ADGRL3: variants seen among roughly 807,000 people sequenced by gnomAD.
ADGRL3 encodes the protein adhesion G protein-coupled receptor L3.
In ADGRL3, 62 loss-of-function variants were observed where a neutral mutation model predicts 153.5. The observed-to-expected ratio is 0.40, with a 90% CI of 0.33 to 0.50. The LOEUF (loss-of-function observed/expected upper bound fraction) is 0.50, where lower values mean the gene tolerates loss of function less well. Among genes scored for constraint, ADGRL3 ranks in the 20% least tolerant of loss-of-function variants. The probability of loss-of-function intolerance (pLI) is 0.47; values close to 1 mark genes in which losing one functional copy is unlikely to be tolerated. For synonymous variants in ADGRL3, 710 were observed against 672.5 expected, an observed-to-expected ratio of 1.06 and a Z score of -0.86; for missense variants, 1,641 against 1,859.4, an observed-to-expected ratio of 0.88 and a Z score of 2.16.
Position 61,273,932 on chromosome 4 carries a change from A to C in ADGRL3, c.-240+72167A>C, listed in dbSNP as rs193265455. On this transcript the variant is annotated intron_variant, in intron 1 of 26. Coordinates refer to ENST00000683033, the MANE Select transcript of ADGRL3 (RefSeq NM_001387552.1). ...AGAGAATTTGACATAGTAACTATTA[A>C]TAGCTTGAAAACTGAAAATTCTGAC... Among the ~76,000 whole-genome samples, 154 of 152,312 alleles carry C rather than the reference A, an allele frequency of 1.0e-3. 1 individual carries two copies. The highest frequency in any genetic ancestry group is 3.6e-3 in the African/African-American group (150 of 41,574).
intron 4 of ADGRL3, among the ~76,000 whole-genome samples, chr4:61,580,028 A>G (rs969325092): frequency 4.6e-5 from 7 of 152,238 alleles, no homozygotes; most frequent in Non-Finnish European, 1.0e-4. Flanking sequence ...GAGAAAATAC[A>G]TGTATTTAAG....
chr4:61,226,832 C>T (rs1748199690), intron 1 of ADGRL3, among the ~76,000 whole-genome samples: 1 of 151,742 alleles, frequency 6.6e-6, no homozygotes, highest in South Asian at 2.1e-4. Flanking sequence ...TTACAAAAAT[C>T]CAACCCTTTG....
chr4:61,703,530 T>C (rs970421703), intron 6 of ADGRL3, among the ~76,000 whole-genome samples: 6 of 152,160 alleles, frequency 3.9e-5, no homozygotes, highest in Non-Finnish European at 5.9e-5. Context: ...TGAAAACTGC[T>C]TATTCTTTCA....
chr4:61,856,583 T>C (rs1305027314), intron 9 of ADGRL3, among the ~76,000 whole-genome samples: 3 of 82,350 alleles, frequency 3.6e-5, no homozygotes, highest in Non-Finnish European at 6.0e-5. Context: ...CTCTCTCTCT[T>C]TTTTCTCTCT....
chr4:61,306,540 A>C (rs1447041088), intron 1 of ADGRL3, among the ~76,000 whole-genome samples: 1 of 152,150 alleles, frequency 6.6e-6, no homozygotes, highest in Admixed American at 6.5e-5. Flanking sequence ...AACCATGGCT[A>C]CTAATTCAAA....
At chr4:62,032,856 G>A (rs1401721752) in intron 23 of ADGRL3, among the ~76,000 whole-genome samples, 7 of 151,454 alleles carry the variant, frequency 4.6e-5, no homozygotes, top group African/African-American at 1.5e-4. Context: ...AGATGAGTCA[G>A]GTTTCTAAAT....
At chr4:61,239,527 A>G (rs1222770619) in intron 1 of ADGRL3, among the ~76,000 whole-genome samples, 1 of 152,106 alleles carries the variant, frequency 6.6e-6, no homozygotes, top group African/African-American at 2.4e-5. Flanking sequence ...GACAACAAAC[A>G]GAACACTTAA....
chr4:61,554,370 A>G (rs958536204), intron 4 of ADGRL3, among the ~76,000 whole-genome samples: 3 of 151,558 alleles, frequency 2.0e-5, no homozygotes, highest in Non-Finnish European at 4.4e-5. Context: ...ATTTTTTTGT[A>G]TTTTTAGTAG....
At chr4:61,735,611 G>T (rs1463824634) in intron 8 of ADGRL3, among the ~76,000 whole-genome samples, 2 of 152,090 alleles carry the variant, frequency 1.3e-5, no homozygotes, top group African/African-American at 4.8e-5. Flanking sequence ...TGAAAACTTT[G>T]TTATGGATGG....
intron 9 of ADGRL3, among the ~76,000 whole-genome samples, chr4:61,840,442 G>T (rs1471493593): frequency 6.6e-6 from 1 of 152,202 alleles, no homozygotes; most frequent in African/African-American, 2.4e-5. Flanking sequence ...GACATATAAC[G>T]AAAGGTAACT....
chr4:61,439,281 T>G (rs897015156), intron 2 of ADGRL3, among the ~76,000 whole-genome samples: 3 of 152,166 alleles, frequency 2.0e-5, no homozygotes, highest in Non-Finnish European at 4.4e-5. Flanking sequence ...TTAGAAATTT[T>G]TATAAGAGTA....
At chr4:61,446,049 C>G (rs2097578006) in intron 2 of ADGRL3, among the ~76,000 whole-genome samples, 1 of 152,064 alleles carries the variant, frequency 6.6e-6, no homozygotes. Flanking sequence ...GTTTAGTAGG[C>G]CATACCAGGT....
At chr4:61,920,670 T>C (rs2098764492) in intron 13 of ADGRL3, among the ~76,000 whole-genome samples, 1 of 152,198 alleles carries the variant, frequency 6.6e-6, no homozygotes, top group Non-Finnish European at 1.5e-5. Context: ...CCATTATCTT[T>C]AGCACATGGG....
intron 17 of ADGRL3, among the ~76,000 whole-genome samples, chr4:61,965,257 C>G (rs536535852): frequency 8.5e-5 from 13 of 152,126 alleles, no homozygotes; most frequent in African/African-American, 3.1e-4. Flanking sequence ...CCATTTCCTC[C>G]CAAAGTGCTA....
chr4:61,919,211 T>C (rs1426525358), intron 13 of ADGRL3, among the ~76,000 whole-genome samples: 7 of 152,172 alleles, frequency 4.6e-5, no homozygotes. Flanking sequence ...GGGAGTACTT[T>C]TAGCAGCTCT....
rs548785435 is a variant in ADGRL3 at position 61,884,921 on chromosome 4, G to A, written c.1481-7735G>A. 8.6e-5 allele frequency among the ~76,000 whole-genome samples: 13 copies of A among 150,482 alleles called. No individual in the cohort carries two copies. In the East Asian group the frequency reaches 2.1e-3, roughly 24 times the overall value. On this transcript the variant is annotated intron_variant, in intron 9 of 26. Coordinates refer to ENST00000683033, the MANE Select transcript of ADGRL3 (RefSeq NM_001387552.1). ...ATTATAGGTGTGAGCCACCGCGCCC[G>A]GCCAAGACCCAACTCTTAACTGTAA...
chr4:62,070,685 C>T lies in ADGRL3; in HGVS notation c.4409C>T (p.Thr1470Ile), dbSNP rs764916245. 1 of 1,551,594 alleles carries T rather than the reference C, an allele frequency of 6.4e-7. No individual in the cohort carries two copies. Among genetic ancestry groups the T allele is most frequent in the Non-Finnish European group, 8.7e-7 (1 of 1,146,966 alleles). The change falls in exon 27 of 27, where the codon ACC becomes ATC. Residue 1470 changes from threonine (T) to isoleucine (I), a missense_variant. Around this residue, in one of 5 missense-constraint regions of ADGRL3, gnomAD observed 517 missense variants for 555.0 expected, o/e 0.93. Coordinates refer to ENST00000683033, the MANE Select transcript of ADGRL3 (RefSeq NM_001387552.1). ...AGVAATESVT[T>I]STQTEPPPAK... ...GTGGCCGCCACAGAGAGTGTTACCA[C>T]CAGCACCCAGACCGAACCCCCACCG...
chr4:61,764,032 T>C (rs889942546), intron 8 of ADGRL3, among the ~76,000 whole-genome samples: 1 of 152,228 alleles, frequency 6.6e-6, no homozygotes, highest in African/African-American at 2.4e-5. Flanking sequence ...ATCCAAGTCA[T>C]GTGAACATGA....
chr4:61,259,608 A>G (rs1233871244), intron 1 of ADGRL3, among the ~76,000 whole-genome samples: 1 of 152,228 alleles, frequency 6.6e-6, no homozygotes, highest in African/African-American at 2.4e-5. Context: ...TATTGCATGA[A>G]GCCTTCCTGA....
Sources: gnomAD v4.1 joint callset for allele counts (sites outside exome capture counted in the v4.1 genomes callset) on GRCh38, gnomAD v4.1.1 for gene constraint, gnomAD v4.1.1 regional missense constraint, MANE v1.5 for transcripts, NCBI Gene and HGNC (gene_info 2026-07-23, HGNC 2026-07-21) for gene names.